Variants in LIPH observed in about 807,000 individuals in gnomAD.
The protein encoded by LIPH is lipase member H.
LIPH carries 32 observed loss-of-function variants against 47.6 expected under a neutral mutation model. The ratio of observed to expected loss-of-function variants is 0.67; its 90% confidence interval spans 0.51 to 0.90. LIPH has a LOEUF of 0.90. Ranked by LOEUF, LIPH falls within the 40% of genes least tolerant of loss-of-function variation. The pLI is 0.00. For missense variants in LIPH, 497 were observed against 541.4 expected, an observed-to-expected ratio of 0.92 and a Z score of 0.81; for synonymous variants, 190 against 195.6, an observed-to-expected ratio of 0.97 and a Z score of 0.24.
intron 4 of LIPH, among the ~76,000 whole-genome samples, chr3:185,524,614 T>C (rs1179583195): frequency 6.6e-6 from 1 of 152,018 alleles, no homozygotes; most frequent in African/African-American, 2.4e-5. Flanking sequence ...CATGACCAGC[T>C]AACTTTTTGT....
intron 3 of LIPH, among the ~76,000 whole-genome samples, chr3:185,530,999 G>C (rs1265884785): frequency 6.6e-6 from 1 of 152,164 alleles, no homozygotes; most frequent in Non-Finnish European, 1.5e-5. Flanking sequence ...ATTACACCAA[G>C]ACAAAGGTAT....
intron 1 of LIPH, 146 bp downstream of exon 1, chr3:185,552,277 G>T (rs1721072447): frequency 1.1e-3 from 440 of 400,790 alleles, no homozygotes; most frequent in Non-Finnish European, 1.3e-3. Flanking sequence ...TTAAGGAAAT[G>T]ATACAGGCTT....
At position 185,524,077 on chromosome 3, in the gene LIPH, A is replaced by G; in HGVS notation, c.712T>C (p.Leu238=). ...LDQPGCPKTI[L]GGFQYFKCDH... ...ACAAAATATAAAGGCTTACCTCCCA[A>G]TATTGTTTTGGGGCAGCCAGGTTGA... The change falls in exon 5 of 10, where the codon TTG becomes CTG. Residue 238 remains leucine, a synonymous_variant. Coordinates refer to ENST00000296252, the MANE Select transcript of LIPH (RefSeq NM_139248.3). 1.2e-6 allele frequency: 2 copies of G among 1,610,270 alleles called. No individual in the cohort carries two copies. The highest frequency in any genetic ancestry group is 1.3e-5 in the African/African-American group (1 of 74,924).
intron 5 of LIPH, among the ~76,000 whole-genome samples, 172 bp from the exon 6 acceptor site, chr3:185,519,481 G>A (rs1291248891): frequency 6.6e-6 from 1 of 152,042 alleles, no homozygotes; most frequent in Non-Finnish European, 1.5e-5. Flanking sequence ...CTGGCAAGTG[G>A]GAGGAGAAAA....
Position 185,508,660 on chromosome 3 carries a change from G to T in LIPH, c.*130C>A. ...TTGATGTACAATGTGACATCCATAG[G>T]ACGCTACTGAAAAAAGCCTTGGTTT... On this transcript the variant is annotated 3_prime_UTR_variant, in exon 10 of 10. Coordinates refer to ENST00000296252, the MANE Select transcript of LIPH (RefSeq NM_139248.3). The T allele has an allele frequency of 1.4e-6, 1 of 720,772 alleles. No individual in the cohort carries two copies. The allele number at this position is 720,772 out of a possible 1,614,324, so 44.6% of individuals were successfully genotyped here.
chr3:185,518,152 C>G (rs1577667596), intron 6 of LIPH, among the ~76,000 whole-genome samples: 2 of 152,204 alleles, frequency 1.3e-5, no homozygotes, highest in East Asian at 3.8e-4. Flanking sequence ...TGACTGTACC[C>G]TGGGTAAGCT....
chr3:185,546,249 G>A (rs1720868078), intron 1 of LIPH, among the ~76,000 whole-genome samples: 1 of 152,012 alleles, frequency 6.6e-6, no homozygotes, highest in Admixed American at 6.6e-5. Context: ...CTACTCGGGA[G>A]GCTGAGGCAG....
chr3:185,543,846 C>CTTTT (rs57080060), intron 1 of LIPH, among the ~76,000 whole-genome samples: 4 of 108,742 alleles, frequency 3.7e-5, no homozygotes, highest in African/African-American at 6.8e-5. Context: ...CTGGCTCTTG[C>CTTTT]TTTTTTTTTT....
At chr3:185,528,215 A>G (rs530060448) in intron 3 of LIPH, among the ~76,000 whole-genome samples, 1 of 96,474 alleles carries the variant, frequency 1.0e-5, no homozygotes, top group East Asian at 2.4e-4. Context: ...TCTGTCTCGA[A>G]GAAAGAAAGA....
In LIPH at chr3:185,552,412, A is replaced by G. The variant is rs375040518; in HGVS notation, c.49+11T>C. ...TAAGCAGTTAAGAAAACCAGTTTGT[A>G]AATAACCTACCTGATCTTGACAAGC... On this transcript the variant is annotated intron_variant, in intron 1 of 9. Coordinates refer to ENST00000296252, the MANE Select transcript of LIPH (RefSeq NM_139248.3). The G allele has an allele frequency of 2.5e-6, 4 of 1,587,564 alleles. No individual in the cohort carries two copies. Among genetic ancestry groups the G allele is most frequent in the Non-Finnish European group, 3.5e-6 (4 of 1,155,906 alleles).
chr3:185,535,222 CT>C, intron 1 of LIPH, 90 bp from the exon 2 acceptor site: 1 of 1,463,670 alleles, frequency 6.8e-7, no homozygotes, highest in Non-Finnish European at 9.5e-7. Flanking sequence ...AGGAGTTCTT[CT>C]TATGTTCCTG....
rs535266410 is a variant in LIPH, at chr3:185,549,121, C to T, written c.49+3302G>A. 1.9e-3 allele frequency among the ~76,000 whole-genome samples: 289 copies of T among 149,482 alleles called. 2 individuals carry two copies. Among genetic ancestry groups the T allele is most frequent in the African/African-American group, 6.8e-3 (275 of 40,680 alleles). On this transcript the variant is annotated intron_variant, in intron 1 of 9. Transcript: ENST00000296252. ...AGTCCAGCCTGGCAACAGAGCGAGA[C>T]TCCATCTCAAAAAAAAAAAAAAAGA...
chr3:185,521,712 C>T (rs1353853699), intron 5 of LIPH, among the ~76,000 whole-genome samples: 8 of 152,146 alleles, frequency 5.3e-5, no homozygotes, highest in Admixed American at 5.2e-4. Context: ...TCCAGTAGTT[C>T]CATTTCTGGA....
At chr3:185,549,294 T>G (rs1720982544) in intron 1 of LIPH, among the ~76,000 whole-genome samples, 1 of 152,166 alleles carries the variant, frequency 6.6e-6, no homozygotes, top group Non-Finnish European at 1.5e-5. Context: ...ATGCCAGATT[T>G]TCTCATTCTC....
At position 185,517,098 on chromosome 3, in the gene LIPH, GA is replaced by G; in HGVS notation, c.950del (p.Phe317SerfsTer20). On this transcript the variant is annotated frameshift_variant, in exon 7 of 10. Coordinates refer to ENST00000296252, the MANE Select transcript of LIPH (RefSeq NM_139248.3). ...ATGGGCTCTCCTCAGCTGTGTCAAA[GA>G]ATGCCTTCGTCATTGGAGGATCTTT... ...RGKDPPMTKA[F>X]FDTAEESPFC... The G allele has an allele frequency of 2.5e-6, 4 of 1,612,990 alleles. No homozygotes were observed. The highest frequency in any genetic ancestry group is 3.4e-6 in the Non-Finnish European group (4 of 1,178,930).
rs111925411 is a variant in LIPH at position 185,550,914 on chromosome 3, G to C, written c.49+1509C>G. Among the ~76,000 whole-genome samples the C allele has an allele frequency of 2.5e-3, 385 of 152,182 alleles. 2 individuals are homozygous for C. The highest frequency in any genetic ancestry group is 8.3e-3 in the African/African-American group (343 of 41,512). On this transcript the variant is annotated intron_variant, in intron 1 of 9. Coordinates refer to ENST00000296252, the MANE Select transcript of LIPH (RefSeq NM_139248.3). ...TTAAAAATGATAATAGGCCGGGCGCGGTGGCTCACACCTGTAATCCCAGAC... is the reference window on the plus strand; with the variant it reads ...TTAAAAATGATAATAGGCCGGGCGCCGTGGCTCACACCTGTAATCCCAGAC...
chr3:185,541,842 C>T (rs962024939), intron 1 of LIPH, among the ~76,000 whole-genome samples: 4 of 151,736 alleles, frequency 2.6e-5, no homozygotes, highest in Non-Finnish European at 5.9e-5. Flanking sequence ...CTACAACCTC[C>T]GCCTCTCAGG....
At chr3:185,520,747 G>A (rs756841118) in intron 5 of LIPH, among the ~76,000 whole-genome samples, 1 of 151,990 alleles carries the variant, frequency 6.6e-6, no homozygotes, top group Non-Finnish European at 1.5e-5. Flanking sequence ...CCCCGCTCCA[G>A]TAATTGAGTA....
At chr3:185,513,293 T>G (rs1719628074) in intron 8 of LIPH, among the ~76,000 whole-genome samples, 1 of 147,432 alleles carries the variant, frequency 6.8e-6, no homozygotes, top group Admixed American at 6.9e-5. Context: ...TGAGCCGAGA[T>G]CAGGCCACTA....
Sources: allele counts gnomAD v4.1 joint callset (sites outside exome capture counted in the v4.1 genomes callset), GRCh38; gene constraint gnomAD v4.1.1; transcripts MANE v1.5; gene names NCBI Gene and HGNC (gene_info 2026-07-23, HGNC 2026-07-21).